The following MYO1C variants were observed in gnomAD, a reference collection of about 807,000 sequenced individuals.
MYO1C encodes the protein unconventional myosin-Ic.
In MYO1C, 104 loss-of-function variants were observed where a neutral mutation model predicts 150.8. The observed-to-expected ratio is 0.69, with a 90% CI of 0.59 to 0.81. The LOEUF (loss-of-function observed/expected upper bound fraction) is 0.81. MYO1C is among the 30% of genes least tolerant of loss of function. The probability of loss-of-function intolerance (pLI) is 0.00; values close to 1 mark genes in which losing one functional copy is unlikely to be tolerated. For synonymous variants in MYO1C, 663 were observed against 579.9 expected (o/e 1.14, Z -2.06); for missense variants, 1,504 against 1,435.0 (o/e 1.05, Z -0.78).
chr17:1,483,796 C>T, intron 2 of MYO1C, 71 bp from the exon 3 acceptor site: 1 of 1,281,974 alleles, frequency 7.8e-7, no homozygotes, highest in Non-Finnish European at 1.1e-6. Flanking sequence ...GTAATCCCAG[C>T]ACTTTGGGAG....
At chr17:1,483,109 C>A (rs1408626365) in intron 3 of MYO1C, 50 bp from the exon 4 acceptor site, 1 of 1,521,962 alleles carries the variant, frequency 6.6e-7, no homozygotes, top group African/African-American at 1.4e-5. Flanking sequence ...CAAGCAGAGC[C>A]CCACGAGAGT....
chr17:1,485,834 A>G (rs1409068725), intron 1 of MYO1C: 45 of 404,630 alleles, frequency 1.1e-4, no homozygotes, highest in Non-Finnish European at 1.5e-4. Context: ...CGGGCCCCTG[A>G]AGCGCGGGGC....
At chr17:1,475,702 AT>A (rs1179661051) in intron 14 of MYO1C, among the ~76,000 whole-genome samples, 3 of 152,198 alleles carry the variant, frequency 2.0e-5, no homozygotes, top group Admixed American at 2.0e-4. Flanking sequence ...CCTTTCACCC[AT>A]TTGCTTTTAA....
chr17:1,480,880 G>A lies in MYO1C; in HGVS notation c.633C>T (p.Ala211=). ...AACTGAGGATGTGGCCACCCACGGG[G>A]GCACCCTGTGGGCAGGGCAGGGCAT... ...YMDVQFDFKG[A]PVGGHILSYL... is the part of the protein sequence containing the mutation. The change falls in exon 6 of 32, where the codon GCC becomes GCT. Residue 211 remains alanine (A), a synonymous_variant. Coordinates refer to ENST00000648651, the MANE Select transcript of MYO1C (RefSeq NM_001080779.2). 2.5e-6 allele frequency: 4 copies of A among 1,613,870 alleles called. No individual in the cohort carries two copies. Among genetic ancestry groups the A allele is most frequent in the South Asian group, 2.2e-5 (2 of 91,074 alleles).
chr17:1,476,846 T>G (rs916345636), intron 14 of MYO1C, among the ~76,000 whole-genome samples: 3 of 150,912 alleles, frequency 2.0e-5, no homozygotes, highest in Non-Finnish European at 4.4e-5. Context: ...TGTTTTTTGT[T>G]TTTTTTTTTG....
In MYO1C at chr17:1,475,018, T is replaced by C; in HGVS notation, c.1589A>G (p.Asp530Gly). Residue 530 changes from aspartate (D) to glycine (G), a missense_variant, in exon 15 of 32, where the codon GAC becomes GGC. Physicochemically the swap from Asp to Gly is moderately conservative, Grantham distance 94. Transcript: ENST00000648651. ...HPHFLTHKLA[D>G]QRTRKSLGRG... is the part of the protein sequence containing the mutation. ...GCCCAGAGATTTCCTGGTCCGCTGG[T>C]CAGCCAGCTTGTGCCTGGGGGTGAC... 6.4e-7 allele frequency: 1 copy of C among 1,552,130 alleles called. No homozygotes were observed. The highest frequency in any genetic ancestry group is 8.7e-7 in the Non-Finnish European group (1 of 1,147,366).
In MYO1C at chr17:1,467,232, C is replaced by T. The variant is rs377397480; in HGVS notation, c.3165+10G>A. On this transcript the variant is annotated intron_variant, in intron 31 of 31. Coordinates refer to ENST00000648651, the MANE Select transcript of MYO1C (RefSeq NM_001080779.2). ...GCCAGGCCATAAGCGGGAAAGCAGG[C>T]CCCACTCACCACAGCCAGGTGCCCG... The T allele has an allele frequency of 3.1e-6, 5 of 1,606,874 alleles. No individual in the cohort carries two copies. The highest frequency in any genetic ancestry group is 2.6e-6 in the Non-Finnish European group (3 of 1,176,422).
Position 1,465,638 on chromosome 17 carries a change from T to A in MYO1C, c.*88A>T. 1 of 1,268,900 alleles carries A rather than the reference T, an allele frequency of 7.9e-7. No homozygotes were observed. The allele number at this position is 1,268,900 out of a possible 1,614,324, so 78.6% of individuals were successfully genotyped here. A position where few individuals can be genotyped will look rare whatever the true frequency, so the allele number is the denominator to read the frequency against. Reference sequence around the variant, plus strand: ...GCTTCGGGGTGTCCCTGGGTCCCTGTCTGGAAGTTCGAGTCTTTGGTAACT... The same window carrying A: ...GCTTCGGGGTGTCCCTGGGTCCCTGACTGGAAGTTCGAGTCTTTGGTAACT... On this transcript the variant is annotated 3_prime_UTR_variant, in exon 32 of 32. Transcript: ENST00000648651.
intron 24 of MYO1C, 45 bp from the exon 25 acceptor site, chr17:1,469,659 T>G: frequency 2.4e-5 from 35 of 1,463,212 alleles, no homozygotes; most frequent in Non-Finnish European, 3.2e-5. Context: ...CCCTGGGCCC[T>G]TCCCTCTGAA....
intron 1 of MYO1C, chr17:1,486,210 C>G (rs982149887): frequency 1.3e-5 from 2 of 152,226 alleles, no homozygotes; most frequent in Non-Finnish European, 2.9e-5. Context: ...ACGGCCGGCG[C>G]GCCCGGCGGG....
intron 25 of MYO1C, chr17:1,468,897 T>C: frequency 3.0e-6 from 1 of 337,986 alleles, no homozygotes; most frequent in South Asian, 2.7e-5. Context: ...CATCAACCAA[T>C]GCCTGTAATC....
chr17:1,479,555 CG>C lies in MYO1C; in HGVS notation c.1020+36del. ...AGGGTGCACCCCCAGCCCCCGCCCC[CG>C]CCGTCCTCCCGTCGCCCTCTGCCCG... On this transcript the variant is annotated intron_variant, in intron 8 of 31. Coordinates refer to ENST00000648651, the MANE Select transcript of MYO1C (RefSeq NM_001080779.2). This position sits in a 1 kb window ranked among gnomAD's most constrained non-coding sequence, Gnocchi z 4.2. 7.1e-5 allele frequency: 102 copies of C among 1,427,998 alleles called. No individual in the cohort carries two copies. Among genetic ancestry groups the C allele is most frequent in the Non-Finnish European group, 9.1e-5 (93 of 1,025,534 alleles). The allele number at this position is 1,427,998 out of a possible 1,614,324, so 88.5% of individuals were successfully genotyped here.
Position 1,478,747 on chromosome 17 carries a change from G to T in MYO1C, c.1093-12C>A, listed in dbSNP as rs2074452871. 5.0e-6 allele frequency: 8 copies of T among 1,613,436 alleles called. No individual in the cohort carries two copies. The highest frequency in any genetic ancestry group is 1.3e-5 in the African/African-American group (1 of 74,932). On this transcript the variant is annotated splice_polypyrimidine_tract_variant and intron_variant, in intron 9 of 31. Transcript: ENST00000648651. The surrounding 1 kb of genome is among the most constrained non-coding windows in gnomAD (Gnocchi z 6.3). ...AGCGGGCTCAGGAGCTGTGGACGCA[G>T]CGTGAGACAAGGAGATGAATGCCAC...
chr17:1,465,900 C>T, intron 31 of MYO1C, 148 bp from the exon 32 acceptor site: 1 of 526,544 alleles, frequency 1.9e-6, no homozygotes, highest in Non-Finnish European at 2.9e-6. Context: ...CTCCTGGGCT[C>T]AAGCTGTCCT....
At chr17:1,482,382 T>A (rs896741172) in intron 5 of MYO1C, 96 bp downstream of exon 5, 1 of 1,119,662 alleles carries the variant, frequency 8.9e-7, no homozygotes, top group African/African-American at 1.5e-5. Context: ...ACTGCTGGAA[T>A]TGCAGCACCT....
intron 1 of MYO1C, chr17:1,491,484 C>G: frequency 3.3e-6 from 1 of 302,678 alleles, no homozygotes; most frequent in Non-Finnish European, 4.8e-6. Context: ...GGCCGTTCTT[C>G]GGCCCCAGCG....
rs1327611917 is a variant in MYO1C at position 1,479,870 on chromosome 17, G to A, written c.907-165C>T. 6.6e-6 allele frequency among the ~76,000 whole-genome samples: 1 copy of A among 152,160 alleles called. No homozygotes were observed. Among genetic ancestry groups the A allele is most frequent in the African/African-American group, 2.4e-5 (1 of 41,438 alleles). ...GAAGGTGATTCTGCGGGTGGGATGG[G>A]CACGGTGGCTGACGCCTGTAATCCC... On this transcript the variant is annotated intron_variant, in intron 7 of 31. Transcript: ENST00000648651. This position sits in a 1 kb window ranked among gnomAD's most constrained non-coding sequence, Gnocchi z 4.2.
intron 16 of MYO1C, 25 bp from the exon 17 acceptor site, chr17:1,474,715 G>A (rs771436970): frequency 6.2e-6 from 10 of 1,613,788 alleles, no homozygotes; most frequent in East Asian, 4.5e-5. Flanking sequence ...CCGGGGTCAG[G>A]GTGGGGCACA....
At chr17:1,485,270 G>C in intron 1 of MYO1C, 1 of 1,156,674 alleles carries the variant, frequency 8.6e-7, no homozygotes, top group South Asian at 1.7e-5. Flanking sequence ...AGAGTATCCA[G>C]GGTCAGAGAA....
Sources: gnomAD v4.1 joint callset for allele counts (sites outside exome capture counted in the v4.1 genomes callset) on GRCh38, gnomAD v4.1.1 for gene constraint, Gnocchi (gnomAD v3.1) non-coding constraint, MANE v1.5 for transcripts, NCBI Gene and HGNC (gene_info 2026-07-23, HGNC 2026-07-21) for gene names.